The following RBSN variants were observed in gnomAD, a reference collection of about 807,000 sequenced individuals.
The protein encoded by RBSN is rabenosyn, RAB effector.
A neutral mutation model predicts 60.5 loss-of-function variants in RBSN; 34 were observed. The ratio of observed to expected loss-of-function variants is 0.56; its 90% confidence interval spans 0.43 to 0.75. The LOEUF (loss-of-function observed/expected upper bound fraction) is 0.75, where lower values mean the gene tolerates loss of function less well. Among genes scored for constraint, RBSN ranks in the 30% least tolerant of loss-of-function variants. The pLI is 0.00. For synonymous variants in RBSN, 322 were observed against 366.9 expected (o/e 0.88, Z 1.40); for missense variants, 845 against 986.8 (o/e 0.86, Z 1.92).
rs368017236 is a variant in RBSN at position 15,077,877 on chromosome 3, C to T, written c.998+198G>A. 8.5e-5 allele frequency among the ~76,000 whole-genome samples: 13 copies of T among 152,306 alleles called. No homozygotes were observed. The highest frequency in any genetic ancestry group is 3.1e-4 in the African/African-American group (13 of 41,552). ...CCAGCTCCTCTTTCTTTAATAATAG[C>T]AAACATTAGAAATCCTTAACGAAAC... On this transcript the variant is annotated intron_variant, in intron 11 of 13. Transcript: ENST00000253699. The surrounding 1 kb of genome is among the most constrained non-coding windows in gnomAD (Gnocchi z 4.4).
rs371273551 is a variant in RBSN, at chr3:15,082,352, G to T, written c.840+15C>A. ...GCCTAAGAAATTAGACCCAAGACCA[G>T]ACAGCGCGAATCACCTCGTAGAGCT... On this transcript the variant is annotated intron_variant, in intron 9 of 13. Transcript: ENST00000253699. This position sits in a 1 kb window ranked among gnomAD's most constrained non-coding sequence, Gnocchi z 4.2. 2 of 1,603,542 alleles carry T rather than the reference G, an allele frequency of 1.2e-6. No individual in the cohort carries two copies. The highest frequency in any genetic ancestry group is 1.1e-5 in the South Asian group (1 of 90,868).
At chr3:15,085,567 C>T (rs79544360) in intron 6 of RBSN, among the ~76,000 whole-genome samples, 2 of 152,286 alleles carry the variant, frequency 1.3e-5, no homozygotes, top group East Asian at 1.9e-4. Flanking sequence ...GTGCCTGGGA[C>T]ACCCAAAAGA....
In RBSN at chr3:15,078,085, C is replaced by G; in HGVS notation, c.988G>C (p.Asp330His). 1.9e-6 allele frequency: 3 copies of G among 1,613,984 alleles called. No homozygotes were observed. The highest frequency in any genetic ancestry group is 1.7e-6 in the Non-Finnish European group (2 of 1,179,880). The part of the protein sequence containing the change: ...VEVQKVYELI[D>H]ALSKKILTLG... Reference sequence around the variant, plus strand: ...CTTAATGGACCTTACCTTAAAGCGTCTATCAGCTCATACACTTTCTGCACT... The same window carrying G: ...CTTAATGGACCTTACCTTAAAGCGTGTATCAGCTCATACACTTTCTGCACT... The change falls in exon 11 of 14, where the codon GAC (aspartate) becomes CAC (histidine). Residue 330 changes from aspartate (D) to histidine (H), a missense_variant. Coordinates refer to ENST00000253699, the MANE Select transcript of RBSN (RefSeq NM_022340.4).
intron 2 of RBSN, among the ~76,000 whole-genome samples, chr3:15,097,846 A>C (rs1031972815): frequency 6.6e-6 from 1 of 152,134 alleles, no homozygotes; most frequent in Non-Finnish European, 1.5e-5. Flanking sequence ...GAAAATAAAC[A>C]AATGAGACAC....
intron 5 of RBSN, among the ~76,000 whole-genome samples, chr3:15,087,517 A>G (rs2043377128): frequency 6.6e-6 from 1 of 151,446 alleles, no homozygotes; most frequent in Non-Finnish European, 1.5e-5. Flanking sequence ...CAGAAAAACA[A>G]ACAAACAAAA....
In RBSN at chr3:15,074,630, T is replaced by C; in HGVS notation, c.1507A>G (p.Lys503Glu). 1 of 1,614,224 alleles carries C rather than the reference T, an allele frequency of 6.2e-7. No homozygotes were observed. The highest frequency in any genetic ancestry group is 8.5e-7 in the Non-Finnish European group (1 of 1,180,032). The stretch of plus-strand genomic sequence containing the variant: ...TGCCTCCGGGACAGCTCGATGGCCT[T>C]CTCTGTCTGCTGCTGGTCATACTCG... ...QDEYDQQQTE[K>E]AIELSRRQAE... The change falls in exon 14 of 14, where the codon AAG becomes GAG. Residue 503 changes from lysine to glutamate, a missense_variant. Transcript: ENST00000253699. The surrounding 1 kb of genome is among the most constrained non-coding windows in gnomAD (Gnocchi z 6.4).
chr3:15,085,031 G>A lies in RBSN; in HGVS notation c.405C>T (p.Asp135=), dbSNP rs779978476. 8 of 1,614,218 alleles carry A rather than the reference G, an allele frequency of 5.0e-6. No individual in the cohort carries two copies. The highest frequency in any genetic ancestry group is 6.8e-6 in the Non-Finnish European group (8 of 1,180,040). ...TCTTTGCAGACTCAGTATTTGTTCTGTCAAATGCAGTGAGCTGACCGGAAG... is the reference window on the plus strand; with the variant it reads ...TCTTTGCAGACTCAGTATTTGTTCTATCAAATGCAGTGAGCTGACCGGAAG... The part of the protein sequence containing the change: ...IIRLEKLTAF[D]RTNTESAKIR... Residue 135 remains aspartate, a synonymous_variant, in exon 7 of 14, where the codon GAC becomes GAT. Coordinates refer to ENST00000253699, the MANE Select transcript of RBSN (RefSeq NM_022340.4).
rs1378464296 is a variant in RBSN, at chr3:15,098,229, CTA to C, written c.-457_-456del. 4 of 152,136 alleles carry C rather than the reference CTA, an allele frequency of 2.6e-5. No homozygotes were observed. Among genetic ancestry groups the C allele is most frequent in the African/African-American group, 9.7e-5 (4 of 41,386 alleles). 9.4% of individuals were successfully genotyped at this position (152,136 alleles called of 1,614,324 possible). On this transcript the variant is annotated 5_prime_UTR_variant, in exon 2 of 14. Coordinates refer to ENST00000253699, the MANE Select transcript of RBSN (RefSeq NM_022340.4). The stretch of plus-strand genomic sequence containing the variant: ...TGTAAAATCTGGGAGGGCACAGACT[CTA>C]TATGTTTTCCACTTCGCCGTCTCCC...
intron 5 of RBSN, among the ~76,000 whole-genome samples, chr3:15,087,593 C>G (rs1228232170): frequency 6.6e-6 from 1 of 152,112 alleles, no homozygotes; most frequent in Non-Finnish European, 1.5e-5. Flanking sequence ...AATTTTGTAT[C>G]CTTCGATCAG....
Position 15,082,650 on chromosome 3 carries a change from A to G in RBSN, c.599-42T>C, listed in dbSNP as rs1341260157. On this transcript the variant is annotated intron_variant, in intron 8 of 13. Coordinates refer to ENST00000253699, the MANE Select transcript of RBSN (RefSeq NM_022340.4). The surrounding 1 kb of genome is among the most constrained non-coding windows in gnomAD (Gnocchi z 4.2). ...AACAGGCAGCAATGACCCCCACAGC[A>G]TCCAATTACCATACCCACGACCTCA... 1 of 1,603,134 alleles carries G rather than the reference A, an allele frequency of 6.2e-7. No homozygotes were observed. The highest frequency in any genetic ancestry group is 1.7e-5 in the Admixed American group (1 of 58,994).
intron 8 of RBSN, among the ~76,000 whole-genome samples, chr3:15,083,900 G>C (rs539265398): frequency 6.6e-6 from 1 of 152,152 alleles, no homozygotes; most frequent in South Asian, 2.1e-4. Context: ...CTGAGTTCCT[G>C]ACAGTCTCTT....
At chr3:15,089,478 C>CAAAAAAAAAA (rs796324060) in intron 5 of RBSN, among the ~76,000 whole-genome samples, 1 of 79,264 alleles carries the variant, frequency 1.3e-5, no homozygotes, top group Non-Finnish European at 2.5e-5. Context: ...AAAAAAAAAA[C>CAAAAAAAAAA]AAAAAAAAAA....
chr3:15,082,412 C>T lies in RBSN; in HGVS notation c.795G>A (p.Gln265=). ...CAGGTGTGTGCTCCTTCTCATCAAT[C>T]TGCTGCTCTCTCTTGAGCAGCGTGT... is the stretch of plus-strand genomic sequence containing the variant. ...CKDTLLKREQ[Q]IDEKEHTPDI... Residue 265 remains glutamine (Q), a synonymous_variant, in exon 9 of 14, where the codon CAG becomes CAA. Transcript: ENST00000253699. The surrounding 1 kb of genome is among the most constrained non-coding windows in gnomAD (Gnocchi z 4.2). 2 of 1,614,022 alleles carry T rather than the reference C, an allele frequency of 1.2e-6. No homozygotes were observed. Among genetic ancestry groups the T allele is most frequent in the Non-Finnish European group, 1.7e-6 (2 of 1,179,896 alleles).
At position 15,074,764 on chromosome 3, in the gene RBSN, G is replaced by C; in HGVS notation, c.1373C>G (p.Pro458Arg). The change falls in exon 14 of 14, where the codon CCG (proline) becomes CGG (arginine). Residue 458 changes from proline to arginine, a missense_variant. By Grantham distance (103) the Pro-to-Arg change is moderately radical. Coordinates refer to ENST00000253699, the MANE Select transcript of RBSN (RefSeq NM_022340.4). This position sits in a 1 kb window ranked among gnomAD's most constrained non-coding sequence, Gnocchi z 6.4. ...GATGTTGTGGATCTGCTGGAGGAGCGGGTCTGAGTCCTCACTCTGCCCCTG... is the reference window on the plus strand; with the variant it reads ...GATGTTGTGGATCTGCTGGAGGAGCCGGTCTGAGTCCTCACTCTGCCCCTG... Reference protein sequence around the residue: ...GGQGQSEDSDPLLQQIHNITS... With the variant: ...GGQGQSEDSDRLLQQIHNITS... 1 of 1,614,246 alleles carries C rather than the reference G, an allele frequency of 6.2e-7. No individual in the cohort carries two copies. Among genetic ancestry groups the C allele is most frequent in the Non-Finnish European group, 8.5e-7 (1 of 1,180,036 alleles).
chr3:15,091,553 A>G, intron 4 of RBSN: 2 of 1,240,012 alleles, frequency 1.6e-6, no homozygotes, highest in South Asian at 2.6e-5. Context: ...CATTTCCTGT[A>G]TTTAGCCATC....
intron 10 of RBSN, among the ~76,000 whole-genome samples, chr3:15,080,513 C>T (rs2043176790): frequency 6.6e-6 from 1 of 152,130 alleles, no homozygotes; most frequent in Admixed American, 6.5e-5. Context: ...GGCTGTCTTT[C>T]TACAAGCTCA....
Position 15,090,433 on chromosome 3 carries a change from C to A in RBSN, c.255G>T (p.Gly85=). 2 of 1,614,072 alleles carry A rather than the reference C, an allele frequency of 1.2e-6. No individual in the cohort carries two copies. Among genetic ancestry groups the A allele is most frequent in the Non-Finnish European group, 8.5e-7 (1 of 1,180,024 alleles). The change falls in exon 5 of 14, where the codon GGG becomes GGT. Residue 85 remains glycine, a synonymous_variant. Coordinates refer to ENST00000253699, the MANE Select transcript of RBSN (RefSeq NM_022340.4). The part of the protein sequence containing the change: ...TQGYESFSYG[G]VDPYMWEPQE... Reference sequence around the variant, plus strand: ...GGGGTTCCCACATGTAAGGATCAACCCCTCCATAGCTGAAAGACTCATATC... The same window carrying A: ...GGGGTTCCCACATGTAAGGATCAACACCTCCATAGCTGAAAGACTCATATC...
chr3:15,073,609 T>C lies in RBSN; in HGVS notation c.*173A>G, dbSNP rs2042969176. Reference sequence around the variant, plus strand: ...TCTAGTTTCTATTTTATTATTCAACTGTAGTGGAAATACCTCAAAGTGCGC... The same window carrying C: ...TCTAGTTTCTATTTTATTATTCAACCGTAGTGGAAATACCTCAAAGTGCGC... On this transcript the variant is annotated 3_prime_UTR_variant, in exon 14 of 14. Transcript: ENST00000253699. The C allele has an allele frequency of 1.7e-6, 1 of 577,328 alleles. No individual in the cohort carries two copies. The highest frequency in any genetic ancestry group is 3.3e-5 in the Admixed American group (1 of 29,940). 35.8% of individuals were successfully genotyped at this position (577,328 alleles called of 1,614,324 possible).
chr3:15,091,487 AT>A lies in RBSN; in HGVS notation c.149-949del, dbSNP rs777236197. 74 of 1,287,384 alleles carry A rather than the reference AT, an allele frequency of 5.7e-5. No homozygotes were observed. In the East Asian group the frequency reaches 1.0e-3, roughly 17 times the overall value. 79.7% of individuals were successfully genotyped at this position (1,287,384 alleles called of 1,614,324 possible). On this transcript the variant is annotated intron_variant, in intron 4 of 13. Coordinates refer to ENST00000253699, the MANE Select transcript of RBSN (RefSeq NM_022340.4). ...TTGCAAAAAGCTTCAAGAAACAGAT[AT>A]AACATCTACAACATAACACAAACAG...
Sources: allele counts gnomAD v4.1 joint callset (sites outside exome capture counted in the v4.1 genomes callset), GRCh38; gene constraint gnomAD v4.1.1; non-coding constraint Gnocchi (gnomAD v3.1); transcripts MANE v1.5; gene names NCBI Gene and HGNC (gene_info 2026-07-23, HGNC 2026-07-21).